The following UGT2B7 variants were observed in gnomAD, a reference collection of about 807,000 sequenced individuals.
UGT2B7 encodes UDP-glucuronosyltransferase 2B7.
Under a neutral mutation model 51.9 loss-of-function variants are expected in UGT2B7, and 51 were observed. The observed-to-expected ratio is 0.98, with a 90% CI of 0.78 to 1.24. UGT2B7 has a LOEUF of 1.24. UGT2B7 is among the 50% of genes most tolerant of loss of function. The probability of loss-of-function intolerance (pLI) is 0.00; values close to 1 mark genes in which losing one functional copy is unlikely to be tolerated. For synonymous variants in UGT2B7, 225 were observed against 211.6 expected, an observed-to-expected ratio of 1.06 and a Z score of -0.55; for missense variants, 727 against 628.4, an observed-to-expected ratio of 1.16 and a Z score of -1.68.
At chr4:69,052,275 C>G (rs111724091) in intron 1 of UGT2B7, among the ~76,000 whole-genome samples, 3 of 151,830 alleles carry the variant, frequency 2.0e-5, no homozygotes, top group East Asian at 1.9e-4. Context: ...CCCTTCCCCC[C>G]CAACAGTAGT....
chr4:69,108,406 TAA>T lies in UGT2B7; in HGVS notation c.1310+85_1310+86del, dbSNP rs1719677402. 3.6e-5 allele frequency: 51 copies of T among 1,428,276 alleles called. No homozygotes were observed. The Admixed American group carries it at 6.1e-4, about 17-fold the overall frequency. 88.5% of individuals were successfully genotyped at this position (1,428,276 alleles called of 1,614,324 possible). ...GTGAGTGTGAGTTTCATCCTTTTTA[TAA>T]GAGACTAATTTTGAAAGAATTTAAA... On this transcript the variant is annotated intron_variant, in intron 5 of 5. Coordinates refer to ENST00000305231, the MANE Select transcript of UGT2B7 (RefSeq NM_001074.4).
chr4:69,054,794 G>T (rs1189580765), intron 1 of UGT2B7, among the ~76,000 whole-genome samples: 1 of 152,032 alleles, frequency 6.6e-6, no homozygotes, highest in East Asian at 1.9e-4. Context: ...ACTCATCGCA[G>T]GACTCATTTT....
At chr4:69,088,191 C>G (rs902269428) in intron 1 of UGT2B7, among the ~76,000 whole-genome samples, 1 of 151,852 alleles carries the variant, frequency 6.6e-6, no homozygotes, top group Admixed American at 6.6e-5. Context: ...TTGCTGATTC[C>G]TTACTCTGTT....
intron 2 of UGT2B7, among the ~76,000 whole-genome samples, chr4:69,102,395 C>T (rs549481425): frequency 6.6e-6 from 1 of 152,140 alleles, no homozygotes; most frequent in South Asian, 2.1e-4. Flanking sequence ...GAAATAAACA[C>T]AAGGGATTTA....
At chr4:69,057,138 T>A (rs1718222889) in intron 1 of UGT2B7, among the ~76,000 whole-genome samples, 1 of 152,214 alleles carries the variant, frequency 6.6e-6, no homozygotes, top group African/African-American at 2.4e-5. Flanking sequence ...GCCCCTGTCA[T>A]GCACCACCTG....
chr4:69,097,740 C>A (rs58544196), intron 1 of UGT2B7, among the ~76,000 whole-genome samples: 87,605 of 151,818 alleles, frequency 0.58, 26,283 homozygotes, highest in African/African-American at 0.71. Context: ...AATGTCTATA[C>A]CTCAGATGCA....
intron 1 of UGT2B7, among the ~76,000 whole-genome samples, chr4:69,054,856 T>A (rs1040052576): frequency 1.3e-5 from 2 of 152,006 alleles, no homozygotes; most frequent in African/African-American, 2.4e-5. Context: ...TTCCTCAGAC[T>A]GAGGGCTGTT....
At chr4:69,097,855 G>T (rs1289355179) in intron 1 of UGT2B7, among the ~76,000 whole-genome samples, 1 of 151,958 alleles carries the variant, frequency 6.6e-6, no homozygotes, top group Non-Finnish European at 1.5e-5. Flanking sequence ...AAGTGTGAAG[G>T]TTGTTATATC....
At chr4:69,102,444 C>A (rs1719450102) in intron 2 of UGT2B7, among the ~76,000 whole-genome samples, 1 of 152,218 alleles carries the variant, frequency 6.6e-6, no homozygotes, top group Non-Finnish European at 1.5e-5. Flanking sequence ...AGTGGTCCCA[C>A]TTTCCAAGAA....
At chr4:69,063,255 C>G (rs907621934) in intron 1 of UGT2B7, among the ~76,000 whole-genome samples, 9 of 138,488 alleles carry the variant, frequency 6.5e-5, no homozygotes, top group Admixed American at 6.3e-4. Context: ...GAAGGCGGAG[C>G]TTGCAGTGAG....
At chr4:69,068,176 G>A (rs1210205771) in intron 1 of UGT2B7, among the ~76,000 whole-genome samples, 1 of 151,910 alleles carries the variant, frequency 6.6e-6, no homozygotes, top group East Asian at 1.9e-4. Context: ...TTTATTTTCA[G>A]TAATCAGCAT....
chr4:69,079,915 T>G (rs1449081183), intron 1 of UGT2B7, among the ~76,000 whole-genome samples: 1 of 152,176 alleles, frequency 6.6e-6, no homozygotes, highest in Non-Finnish European at 1.5e-5. Context: ...TTCCTGAGTT[T>G]TGTATATAGC....
intron 5 of UGT2B7, among the ~76,000 whole-genome samples, chr4:69,110,448 T>A (rs1214456067): frequency 7.2e-6 from 1 of 138,772 alleles, no homozygotes; most frequent in South Asian, 2.3e-4. Context: ...CAGATATGTA[T>A]AAATAAATCT....
chr4:69,097,381 A>C, intron 1 of UGT2B7, 140 bp downstream of exon 1: 1 of 1,044,630 alleles, frequency 9.6e-7, no homozygotes, highest in Admixed American at 3.0e-5. Flanking sequence ...ATGATCTATT[A>C]ATCTCACAAA....
rs1222590427 is a variant in UGT2B7, at chr4:69,102,882, A to G, written c.946A>G (p.Met316Val). The G allele has an allele frequency of 1.2e-6, 2 of 1,613,570 alleles. No homozygotes were observed. The highest frequency in any genetic ancestry group is 2.2e-5 in the East Asian group (1 of 44,850). The part of the protein sequence containing the change: ...VFSLGSMVSN[M>V]TEERANVIAS... ...TTCTCTGGGGTCAATGGTCAGTAACATGACAGAAGAAAGGGCCAACGTAAT... is the reference window on the plus strand; with the variant it reads ...TTCTCTGGGGTCAATGGTCAGTAACGTGACAGAAGAAAGGGCCAACGTAAT... Residue 316 changes from methionine to valine, a missense_variant, in exon 3 of 6, where the codon ATG becomes GTG. Met to Val is a conservative substitution (Grantham distance 21). Transcript: ENST00000305231.
chr4:69,091,433 A>C, intron 2 of UGT2B7, among the ~76,000 whole-genome samples: 1 of 151,976 alleles, frequency 6.6e-6, no homozygotes, highest in African/African-American at 2.4e-5. Flanking sequence ...ATAGATTAGT[A>C]CAGTTATATT....
chr4:69,069,191 T>C (rs1489673133), intron 1 of UGT2B7, among the ~76,000 whole-genome samples: 10 of 152,146 alleles, frequency 6.6e-5, no homozygotes, highest in Non-Finnish European at 1.5e-5. Flanking sequence ...AATCCATTGA[T>C]GTAATGTTAA....
intron 1 of UGT2B7, among the ~76,000 whole-genome samples, chr4:69,087,788 T>G (rs541689781): frequency 6.6e-6 from 1 of 152,076 alleles, no homozygotes; most frequent in South Asian, 2.1e-4. Context: ...TTATTTATTT[T>G]ATTTTTTTTT....
At chr4:69,088,730 G>A (rs114292486) in intron 1 of UGT2B7, among the ~76,000 whole-genome samples, 1,840 of 152,172 alleles carry the variant, frequency 0.012, 33 homozygotes, top group African/African-American at 0.041. Flanking sequence ...CTGTCACTGT[G>A]ATTAGTACTT....
Sources: gnomAD v4.1 joint callset for allele counts (sites outside exome capture counted in the v4.1 genomes callset) on GRCh38, gnomAD v4.1.1 for gene constraint, MANE v1.5 for transcripts, NCBI Gene and HGNC (gene_info 2026-07-23, HGNC 2026-07-21) for gene names.